Variants in EBF2 observed in about 807,000 individuals in gnomAD.
The protein encoded by EBF2 is transcription factor COE2.
Under a neutral mutation model 72.8 loss-of-function variants are expected in EBF2, and 21 were observed. The observed-to-expected ratio is 0.29, with a 90% CI of 0.20 to 0.42. EBF2 has a LOEUF of 0.42. Ranked by LOEUF, EBF2 falls within the 10% of genes least tolerant of loss-of-function variation. EBF2 has a pLI of 1.00. For missense variants in EBF2, 637 were observed against 731.2 expected, an observed-to-expected ratio of 0.87 and a Z score of 1.49; for synonymous variants, 299 against 274.2, an observed-to-expected ratio of 1.09 and a Z score of -0.89.
chr8:26,010,407 TCACAGACAGC>T (rs1398489755), intron 6 of EBF2, among the ~76,000 whole-genome samples: 1 of 152,206 alleles, frequency 6.6e-6, no homozygotes, highest in African/African-American at 2.4e-5. Flanking sequence ...CAGATTTATT[TCACAGACAGC>T]CACAGACAGG....
intron 6 of EBF2, among the ~76,000 whole-genome samples, chr8:25,958,977 G>T (rs1360848792): frequency 6.6e-6 from 1 of 152,178 alleles, no homozygotes; most frequent in Non-Finnish European, 1.5e-5. Context: ...AAAGCTGAAC[G>T]GCTGCTGTCA....
chr8:25,943,893 T>A (rs1803722131), intron 6 of EBF2, among the ~76,000 whole-genome samples: 1 of 152,178 alleles, frequency 6.6e-6, no homozygotes, highest in East Asian at 1.9e-4. Flanking sequence ...TCCCCAAGAC[T>A]GCCCTGATAG....
In EBF2 at chr8:25,882,400, C is replaced by T. The variant is rs895145341; in HGVS notation, c.1009+4355G>A. ...ATGGGCCATTCTATCCACTCTCTATCCCAGGTGCTTTCCATGAAGAGACCT... is the reference window on the plus strand; with the variant it reads ...ATGGGCCATTCTATCCACTCTCTATTCCAGGTGCTTTCCATGAAGAGACCT... On this transcript the variant is annotated intron_variant, in intron 10 of 15. Transcript: ENST00000520164. 7.9e-5 allele frequency among the ~76,000 whole-genome samples: 12 copies of T among 152,260 alleles called. No individual in the cohort carries two copies. The East Asian group carries it at 9.6e-4, about 12-fold the overall frequency.
chr8:25,981,558 G>A (rs1191929120), intron 6 of EBF2, among the ~76,000 whole-genome samples: 2 of 152,088 alleles, frequency 1.3e-5, no homozygotes, highest in Non-Finnish European at 2.9e-5. Flanking sequence ...TCAGTACTTT[G>A]GGAAACCGAG....
At chr8:25,952,379 A>G (rs1181487061) in intron 6 of EBF2, among the ~76,000 whole-genome samples, 1 of 151,976 alleles carries the variant, frequency 6.6e-6, no homozygotes, top group Non-Finnish European at 1.5e-5. Context: ...TATTTTATCT[A>G]TTTATAAATT....
chr8:25,864,150 C>T (rs1308353148), intron 10 of EBF2, among the ~76,000 whole-genome samples: 1 of 152,070 alleles, frequency 6.6e-6, no homozygotes, highest in Non-Finnish European at 1.5e-5. Flanking sequence ...AATTACTGGA[C>T]CAAAAATTAT....
At chr8:25,935,365 G>C (rs766668951) in intron 6 of EBF2, among the ~76,000 whole-genome samples, 1 of 152,118 alleles carries the variant, frequency 6.6e-6, no homozygotes, top group Non-Finnish European at 1.5e-5. Flanking sequence ...GGTTCCCTTA[G>C]AGAATTCCCT....
intron 10 of EBF2, among the ~76,000 whole-genome samples, chr8:25,882,953 C>T (rs73677234): frequency 0.034 from 5,104 of 152,232 alleles, 304 homozygotes; most frequent in African/African-American, 0.12. Flanking sequence ...AGATATTTTA[C>T]GACTTGCTAA....
chr8:26,045,040 T>G lies in EBF2; in HGVS notation c.-181A>C. 1.6e-6 allele frequency: 1 copy of G among 630,404 alleles called. No individual in the cohort carries two copies. Among genetic ancestry groups the G allele is most frequent in the Non-Finnish European group, 2.6e-6 (1 of 382,368 alleles). 39.1% of individuals were successfully genotyped at this position (630,404 alleles called of 1,614,324 possible). On this transcript the variant is annotated 5_prime_UTR_variant, in exon 1 of 16. Coordinates refer to ENST00000520164, the MANE Select transcript of EBF2 (RefSeq NM_022659.4). Reference sequence around the variant, plus strand: ...CCCGTCCTTTGCTTCACTGGCGAGGTGCGGACTGATGTAGTCAAAGTTTGG... The same window carrying G: ...CCCGTCCTTTGCTTCACTGGCGAGGGGCGGACTGATGTAGTCAAAGTTTGG...
At chr8:25,853,998 G>C (rs1387255366) in intron 14 of EBF2, among the ~76,000 whole-genome samples, 1 of 151,982 alleles carries the variant, frequency 6.6e-6, no homozygotes, top group Non-Finnish European at 1.5e-5. Flanking sequence ...GCTTTCACTT[G>C]TCCGTATCTT....
At chr8:25,933,126 G>C (rs973163585) in intron 6 of EBF2, among the ~76,000 whole-genome samples, 1 of 152,090 alleles carries the variant, frequency 6.6e-6, no homozygotes, top group Non-Finnish European at 1.5e-5. Context: ...TGGAGCGTTC[G>C]CGTGTCCTTT....
intron 6 of EBF2, among the ~76,000 whole-genome samples, chr8:25,986,399 G>A (rs907457816): frequency 2.0e-5 from 3 of 152,068 alleles, no homozygotes; most frequent in Admixed American, 6.6e-5. Flanking sequence ...CATGACTTTC[G>A]AATTGCTGTT....
Position 25,938,105 on chromosome 8 carries a change from G to A in EBF2, c.552-29550C>T, listed in dbSNP as rs192772339. Among the ~76,000 whole-genome samples, 507 of 152,266 alleles carry A rather than the reference G, an allele frequency of 3.3e-3. 4 individuals carry two copies. Among genetic ancestry groups the A allele is most frequent in the Non-Finnish European group, 4.8e-3 (327 of 68,014 alleles). ...ATTTTGAGCAGGGTGGGCTCGCTGG[G>A]GTGTCGTGGGATTTACTGACAGGAG... is the stretch of plus-strand genomic sequence containing the variant. On this transcript the variant is annotated intron_variant, in intron 6 of 15. Coordinates refer to ENST00000520164, the MANE Select transcript of EBF2 (RefSeq NM_022659.4).
intron 6 of EBF2, among the ~76,000 whole-genome samples, chr8:25,969,638 G>T (rs1000889293): frequency 6.6e-6 from 1 of 152,168 alleles, no homozygotes; most frequent in Non-Finnish European, 1.5e-5. Flanking sequence ...TAAATTTATC[G>T]TTGTATTATT....
intron 15 of EBF2, among the ~76,000 whole-genome samples, chr8:25,847,765 C>A (rs1585254718): frequency 6.6e-6 from 1 of 152,158 alleles, no homozygotes; most frequent in African/African-American, 2.4e-5. Flanking sequence ...GGCTAATACT[C>A]TTTAAGGATT....
chr8:26,002,122 A>G (rs1804737997), intron 6 of EBF2, among the ~76,000 whole-genome samples: 1 of 152,206 alleles, frequency 6.6e-6, no homozygotes, highest in African/African-American at 2.4e-5. Flanking sequence ...TAAGGATCCC[A>G]GGCCACTTGC....
intron 11 of EBF2, 61 bp downstream of exon 11, chr8:25,862,648 G>T: frequency 7.1e-7 from 1 of 1,403,742 alleles, no homozygotes; most frequent in Non-Finnish European, 9.7e-7. Flanking sequence ...GCCTGCATTT[G>T]TCTAAGTTTC....
chr8:25,858,463 A>G lies in EBF2; in HGVS notation c.1384T>C (p.Ser462Pro). 1.2e-6 allele frequency: 2 copies of G among 1,614,016 alleles called. No individual in the cohort carries two copies. The highest frequency in any genetic ancestry group is 1.7e-6 in the Non-Finnish European group (2 of 1,180,002). Reference sequence around the variant, plus strand: ...GACTGTTGAGGCGTGGAGCTGGAAGAGTATCCCCGCGGAGAGATGCTGCTT... The same window carrying G: ...GACTGTTGAGGCGTGGAGCTGGAAGGGTATCCCCGCGGAGAGATGCTGCTT... ...NTSSISPRGYSSSSTPQQSNY... is the reference protein window; with the variant it reads ...NTSSISPRGYPSSSTPQQSNY... Residue 462 changes from serine (S) to proline (P), a missense_variant, in exon 14 of 16, where the codon TCT becomes CCT. By Grantham distance (74) the Ser-to-Pro change is moderately conservative. Coordinates refer to ENST00000520164, the MANE Select transcript of EBF2 (RefSeq NM_022659.4).
chr8:26,011,813 A>ATTT (rs1563208122), intron 6 of EBF2, among the ~76,000 whole-genome samples: 36 of 149,950 alleles, frequency 2.4e-4, no homozygotes, highest in African/African-American at 5.7e-4. Context: ...CTTTTTTTTA[A>ATTT]AAAAAAAAAG....
Sources: gnomAD v4.1 joint callset for allele counts (sites outside exome capture counted in the v4.1 genomes callset) on GRCh38, gnomAD v4.1.1 for gene constraint, MANE v1.5 for transcripts, NCBI Gene and HGNC (gene_info 2026-07-23, HGNC 2026-07-21) for gene names.